The following CNTN5 variants were observed in gnomAD, a reference collection of about 807,000 sequenced individuals.
CNTN5 encodes the protein contactin 5, also known as contactin-5.
A neutral mutation model predicts 129.1 loss-of-function variants in CNTN5; 77 were observed. The ratio of observed to expected loss-of-function variants is 0.60; its 90% CI spans 0.50 to 0.72. CNTN5 has a LOEUF of 0.72. Among genes scored for constraint, CNTN5 ranks in the 30% least tolerant of loss-of-function variants. CNTN5 has a pLI of 0.00. For missense variants in CNTN5, 1,478 were observed against 1,328.8 expected (o/e 1.11, Z -1.75); for synonymous variants, 509 against 465.6 (o/e 1.09, Z -1.20).
intron 3 of CNTN5, among the ~76,000 whole-genome samples, chr11:99,693,320 T>C (rs1446592360): frequency 6.6e-6 from 1 of 152,094 alleles, no homozygotes; most frequent in Non-Finnish European, 1.5e-5. Context: ...ATTATTCCAA[T>C]TAAAAAATTC....
intron 1 of CNTN5, among the ~76,000 whole-genome samples, chr11:99,050,136 CTG>C (rs1448525297): frequency 6.6e-6 from 1 of 152,040 alleles, no homozygotes; most frequent in Non-Finnish European, 1.5e-5. Flanking sequence ...TTCTTTCAGA[CTG>C]TGATTACTTC....
chr11:99,586,036 A>G (rs1949781781), intron 3 of CNTN5, among the ~76,000 whole-genome samples: 3 of 152,008 alleles, frequency 2.0e-5, no homozygotes, highest in Non-Finnish European at 2.9e-5. Flanking sequence ...CATATCATTT[A>G]TTCCTTTCTT....
intron 1 of CNTN5, among the ~76,000 whole-genome samples, chr11:99,233,417 G>A (rs1442338992): frequency 1.3e-5 from 2 of 152,176 alleles, no homozygotes; most frequent in Admixed American, 6.5e-5. Flanking sequence ...GTGTTATTGA[G>A]TGATTTAGGA....
intron 1 of CNTN5, among the ~76,000 whole-genome samples, chr11:99,258,840 C>G (rs1007903349): frequency 7.2e-5 from 11 of 151,762 alleles, no homozygotes; most frequent in African/African-American, 2.4e-4. Context: ...AGGACAGACA[C>G]TAAGATATAA....
chr11:99,921,490 C>T (rs931210251), intron 7 of CNTN5, among the ~76,000 whole-genome samples: 1 of 152,178 alleles, frequency 6.6e-6, no homozygotes, highest in Non-Finnish European at 1.5e-5. Flanking sequence ...CAATCTTCCT[C>T]TTTTGATTTC....
intron 3 of CNTN5, among the ~76,000 whole-genome samples, chr11:99,710,247 T>C (rs969563149): frequency 1.3e-5 from 2 of 151,804 alleles, no homozygotes; most frequent in African/African-American, 4.8e-5. Context: ...ATCTTTACCC[T>C]GCGTCAAGAA....
intron 13 of CNTN5, among the ~76,000 whole-genome samples, chr11:100,141,953 T>C (rs1173595640): frequency 6.6e-6 from 1 of 152,034 alleles, no homozygotes; most frequent in Non-Finnish European, 1.5e-5. Flanking sequence ...TCAATGTGGA[T>C]GGGTACCATT....
At chr11:99,772,450 T>A (rs1944978786) in intron 3 of CNTN5, among the ~76,000 whole-genome samples, 1 of 152,076 alleles carries the variant, frequency 6.6e-6, no homozygotes, top group Non-Finnish European at 1.5e-5. Context: ...TGTCTTGGAT[T>A]TGCTCCTGAC....
intron 2 of CNTN5, among the ~76,000 whole-genome samples, chr11:99,381,861 G>C (rs1940579108): frequency 6.6e-6 from 1 of 152,106 alleles, no homozygotes; most frequent in Non-Finnish European, 1.5e-5. Flanking sequence ...AAGAAAAGGG[G>C]CAGAAGAAGG....
intron 8 of CNTN5, among the ~76,000 whole-genome samples, chr11:99,989,870 A>T (rs1242267283): frequency 6.6e-6 from 1 of 152,066 alleles, no homozygotes. Flanking sequence ...GGTTCAAGCA[A>T]TTCTCCTGCC....
At chr11:99,854,514 G>A (rs1376822724) in intron 6 of CNTN5, among the ~76,000 whole-genome samples, 3 of 152,134 alleles carry the variant, frequency 2.0e-5, no homozygotes, top group Non-Finnish European at 4.4e-5. Flanking sequence ...ATTTGTAAGT[G>A]AATGAATAGG....
At chr11:99,842,053 G>A (rs575304876) in intron 4 of CNTN5, among the ~76,000 whole-genome samples, 16 of 151,600 alleles carry the variant, frequency 1.1e-4, no homozygotes, top group South Asian at 2.1e-4. Context: ...GCACCACCAC[G>A]CCCAGCTAAT....
At chr11:99,826,708 G>A (rs1161496123) in intron 4 of CNTN5, among the ~76,000 whole-genome samples, 1 of 152,170 alleles carries the variant, frequency 6.6e-6, no homozygotes, top group African/African-American at 2.4e-5. Context: ...TATAGTTGTA[G>A]CAAAGTATGA....
intron 9 of CNTN5, among the ~76,000 whole-genome samples, chr11:100,059,402 T>G (rs1015950296): frequency 6.6e-6 from 1 of 152,054 alleles, no homozygotes; most frequent in African/African-American, 2.4e-5. Context: ...CAAAAATGAT[T>G]ATAAAATTGT....
intron 3 of CNTN5, among the ~76,000 whole-genome samples, chr11:99,724,862 A>G (rs780573768): frequency 3.3e-5 from 5 of 152,230 alleles, no homozygotes; most frequent in Non-Finnish European, 7.3e-5. Flanking sequence ...AAGCTGTTAT[A>G]TATGTTGCCT....
intron 2 of CNTN5, among the ~76,000 whole-genome samples, chr11:99,506,426 G>C (rs889919045): frequency 6.6e-6 from 1 of 151,856 alleles, no homozygotes; most frequent in Admixed American, 6.6e-5. Context: ...TTTTTTAAAC[G>C]AAGGCAGGTT....
intron 2 of CNTN5, among the ~76,000 whole-genome samples, chr11:99,489,850 GAC>G (rs766275859): frequency 1.3e-5 from 2 of 152,052 alleles, no homozygotes. Flanking sequence ...GAGAGGGAAA[GAC>G]AGACAGAGAG....
At chr11:99,781,778 C>A (rs1043364505) in intron 3 of CNTN5, among the ~76,000 whole-genome samples, 1 of 151,980 alleles carries the variant, frequency 6.6e-6, no homozygotes, top group African/African-American at 2.4e-5. Context: ...ATTCAACAAC[C>A]CTTCATGCTA....
intron 13 of CNTN5, among the ~76,000 whole-genome samples, chr11:100,094,083 T>A (rs1450305488): frequency 1.3e-5 from 2 of 152,066 alleles, no homozygotes; most frequent in Non-Finnish European, 2.9e-5. Flanking sequence ...CATCTGACAA[T>A]GAGAAAAGAA....
Sources: gnomAD v4.1 joint callset for allele counts (sites outside exome capture counted in the v4.1 genomes callset) on GRCh38, gnomAD v4.1.1 for gene constraint, MANE v1.5 for transcripts, NCBI Gene and HGNC (gene_info 2026-07-23, HGNC 2026-07-21) for gene names.